Variants in CHD6 observed in about 807,000 individuals in gnomAD.
CHD6 encodes chromodomain helicase DNA binding protein 6.
A neutral mutation model predicts 276.9 loss-of-function variants in CHD6; 50 were observed. That is an observed-to-expected ratio of 0.18 (90% CI 0.14 to 0.23). The LOEUF is 0.23. Ranked by LOEUF, CHD6 falls within the 10% of genes least tolerant of loss-of-function variation. CHD6 has a pLI of 1.00. For synonymous variants in CHD6, 1,173 were observed against 1,229.3 expected (o/e 0.95, Z 0.96); for missense variants, 2,564 against 3,365.8 (o/e 0.76, Z 5.89).
intron 3 of CHD6, among the ~76,000 whole-genome samples, chr20:41,520,934 G>A (rs1244637565): frequency 6.6e-6 from 1 of 151,950 alleles, no homozygotes; most frequent in Non-Finnish European, 1.5e-5. Flanking sequence ...AGAATAAAGG[G>A]AAAATAAAAA....
intron 1 of CHD6, among the ~76,000 whole-genome samples, chr20:41,588,539 G>C (rs1407134502): frequency 6.6e-6 from 1 of 152,076 alleles, no homozygotes; most frequent in Non-Finnish European, 1.5e-5. Context: ...AAAATGAAGA[G>C]GCAGGTACAA....
At chr20:41,484,691 T>C (rs1047008414) in intron 14 of CHD6, 84 bp from the exon 15 acceptor site, 8 of 1,427,876 alleles carry the variant, frequency 5.6e-6, no homozygotes, top group Non-Finnish European at 7.8e-6. Context: ...CTCTAATTTC[T>C]TGAACATTTA....
rs182419624 is a variant in CHD6 at position 41,471,073 on chromosome 20, T to C, written c.2664+2249A>G. ...GACTTAAGAAATCATGTTTTGGGGTTGGCAAAAATCTGAAAAGGGCCTGAT... is the reference window on the plus strand; with the variant it reads ...GACTTAAGAAATCATGTTTTGGGGTCGGCAAAAATCTGAAAAGGGCCTGAT... On this transcript the variant is annotated intron_variant, in intron 17 of 36. Transcript: ENST00000373233. Among the ~76,000 whole-genome samples the C allele has an allele frequency of 4.9e-3, 745 of 152,336 alleles. 4 individuals are homozygous for C. Among genetic ancestry groups the C allele is most frequent in the Middle Eastern group, 0.037 (11 of 294 alleles).
chr20:41,591,520 G>A (rs73613225), intron 1 of CHD6, among the ~76,000 whole-genome samples: 57,002 of 151,316 alleles, frequency 0.38, 13,287 homozygotes, highest in African/African-American at 0.64. Flanking sequence ...AAGAAACTCC[G>A]TCTCTACTAA....
intron 30 of CHD6, 136 bp from the exon 31 acceptor site, chr20:41,422,215 T>G: frequency 2.5e-6 from 2 of 807,758 alleles, no homozygotes; most frequent in Non-Finnish European, 3.8e-6. Context: ...GTGTGAGCCC[T>G]TGCCAAAATA....
Position 41,484,333 on chromosome 20 carries a change from C to T in CHD6, c.2257+19G>A. 6.2e-7 allele frequency: 1 copy of T among 1,613,136 alleles called. No individual in the cohort carries two copies. Among genetic ancestry groups the T allele is most frequent in the Non-Finnish European group, 8.5e-7 (1 of 1,179,438 alleles). ...AGGTCATGGCAGTCCTGAGTTACTTCCTAGTGCCCCTGACTCACCATTGAT... is the reference window on the plus strand; with the variant it reads ...AGGTCATGGCAGTCCTGAGTTACTTTCTAGTGCCCCTGACTCACCATTGAT... On this transcript the variant is annotated intron_variant, in intron 15 of 36. Coordinates refer to ENST00000373233, the MANE Select transcript of CHD6 (RefSeq NM_032221.5).
At chr20:41,573,782 C>T (rs750089391) in intron 1 of CHD6, among the ~76,000 whole-genome samples, 16 of 152,142 alleles carry the variant, frequency 1.1e-4, no homozygotes, top group Non-Finnish European at 2.2e-4. Context: ...ATAAAGTAAG[C>T]AAGGACTGGA....
chr20:41,602,274 C>T (rs73613230), intron 1 of CHD6, among the ~76,000 whole-genome samples: 3,427 of 152,192 alleles, frequency 0.023, 45 homozygotes, highest in South Asian at 0.04. Context: ...GCTTCCTTTC[C>T]GCTACCCCCT....
intron 1 of CHD6, among the ~76,000 whole-genome samples, chr20:41,606,691 T>C (rs1335483467): frequency 7.4e-6 from 1 of 135,892 alleles, no homozygotes; most frequent in Non-Finnish European, 1.5e-5. Context: ...AAAAAAAAAC[T>C]TATCTCCTAG....
At chr20:41,586,248 C>T (rs1568718321) in intron 1 of CHD6, among the ~76,000 whole-genome samples, 1 of 152,238 alleles carries the variant, frequency 6.6e-6, no homozygotes, top group Non-Finnish European at 1.5e-5. Flanking sequence ...TCCCTGTCAA[C>T]TACTGCTGAA....
At chr20:41,408,622 A>G (rs1193427854) in intron 36 of CHD6, among the ~76,000 whole-genome samples, 1 of 152,098 alleles carries the variant, frequency 6.6e-6, no homozygotes, top group East Asian at 1.9e-4. Context: ...GGTAACCACA[A>G]CTTGACCACA....
intron 25 of CHD6, among the ~76,000 whole-genome samples, chr20:41,442,132 T>C (rs980709823): frequency 3.3e-5 from 5 of 152,144 alleles, no homozygotes; most frequent in Admixed American, 3.3e-4. Flanking sequence ...GCAGGCTATG[T>C]CTGGAGTGGA....
At position 41,474,012 on chromosome 20, in the gene CHD6, T is replaced by C. The variant is rs2043117207; in HGVS notation, c.2469-495A>G. ...GTAAGAAGATTAAACTGTGAGGCAG[T>C]CCTTTTATGTCACTTCTAGCCTACC... On this transcript the variant is annotated intron_variant, in intron 16 of 36. Coordinates refer to ENST00000373233, the MANE Select transcript of CHD6 (RefSeq NM_032221.5). Among the ~76,000 whole-genome samples, 2 of 152,212 alleles carry C rather than the reference T, an allele frequency of 1.3e-5. 1 individual carries two copies. The highest frequency in any genetic ancestry group is 4.1e-4 in the South Asian group (2 of 4,830).
intron 1 of CHD6, chr20:41,564,149 GGGCT>G: frequency 1.3e-6 from 1 of 744,894 alleles, no homozygotes; most frequent in Admixed American, 1.9e-5. Flanking sequence ...ACTGACACAT[GGGCT>G]AAAAACAAAA....
intron 13 of CHD6, 61 bp downstream of exon 13, chr20:41,488,367 G>C: frequency 7.0e-7 from 1 of 1,425,454 alleles, no homozygotes; most frequent in Non-Finnish European, 9.5e-7. Context: ...TGGCTAAAGA[G>C]TGTTTCCTCC....
intron 19 of CHD6, among the ~76,000 whole-genome samples, 161 bp downstream of exon 19, chr20:41,455,639 C>T (rs758194151): frequency 2.0e-5 from 3 of 152,200 alleles, no homozygotes; most frequent in Admixed American, 1.3e-4. Flanking sequence ...AGACTTCCTT[C>T]CTCTAAGGAT....
chr20:41,517,324 T>G (rs577166670), intron 3 of CHD6, among the ~76,000 whole-genome samples: 10 of 152,256 alleles, frequency 6.6e-5, no homozygotes, highest in African/African-American at 2.4e-4. Flanking sequence ...AAATAACTAA[T>G]GGATACTAGG....
chr20:41,612,493 C>T (rs1454342542), intron 1 of CHD6, among the ~76,000 whole-genome samples: 1 of 152,124 alleles, frequency 6.6e-6, no homozygotes, highest in Non-Finnish European at 1.5e-5. Context: ...GATTCTATCA[C>T]AGGATCAACA....
intron 17 of CHD6, chr20:41,459,545 G>GT (rs1215711531): frequency 1.3e-5 from 2 of 152,442 alleles, no homozygotes; most frequent in Non-Finnish European, 2.9e-5. Flanking sequence ...CAGCGGGGAG[G>GT]TAACTGAATC....
Sources: allele counts gnomAD v4.1 joint callset (sites outside exome capture counted in the v4.1 genomes callset), GRCh38; gene constraint gnomAD v4.1.1; transcripts MANE v1.5; gene names NCBI Gene and HGNC (gene_info 2026-07-23, HGNC 2026-07-21).